NOP9: variants seen among roughly 807,000 people sequenced by gnomAD.
The protein encoded by NOP9 is nucleolar protein 9.
NOP9 carries 50 observed loss-of-function variants against 63.0 expected under a neutral mutation model. The ratio of observed to expected loss-of-function variants is 0.79; its 90% CI spans 0.63 to 1.00. NOP9 has a LOEUF of 1.00. Ranked by LOEUF, NOP9 falls within the 50% of genes least tolerant of loss-of-function variation. The pLI, the probability that NOP9 is intolerant of heterozygous loss-of-function variation, is 0.00. For missense variants in NOP9, 758 were observed against 803.0 expected, an observed-to-expected ratio of 0.94 and a Z score of 0.68; for synonymous variants, 343 against 332.8, an observed-to-expected ratio of 1.03 and a Z score of -0.33.
chr14:24,290,559 A>C, the NOP9 span: 2 of 322,838 alleles, frequency 6.2e-6, no homozygotes, highest in Non-Finnish European at 1.2e-5. Context: ...CCAAATTGTT[A>C]ACATGTTGCT....
the NOP9 span, among the ~76,000 whole-genome samples, chr14:24,282,616 A>G: frequency 6.6e-6 from 1 of 152,114 alleles, no homozygotes; most frequent in Non-Finnish European, 1.5e-5. Context: ...TGCCTCTCTA[A>G]TGAGGAGGTA....
At chr14:24,271,243 G>A in the NOP9 span, 3 of 1,261,366 alleles carry the variant, frequency 2.4e-6, no homozygotes, top group Non-Finnish European at 3.2e-6. Context: ...GAAGCAGCAA[G>A]CGTGCCTGGG....
chr14:24,289,259 G>A, the NOP9 span, among the ~76,000 whole-genome samples: 1 of 152,130 alleles, frequency 6.6e-6, no homozygotes, highest in African/African-American at 2.4e-5. Flanking sequence ...TGGGATTACA[G>A]GTGTGAGCCA....
At chr14:24,275,721 G>A in the NOP9 span, among the ~76,000 whole-genome samples, 1 of 152,262 alleles carries the variant, frequency 6.6e-6, no homozygotes, top group Non-Finnish European at 1.5e-5. Flanking sequence ...GCCATGGTCT[G>A]ACGGCAGGGG....
chr14:24,299,604 G>A (rs1467385603), upstream of NOP9: 1 of 279,656 alleles, frequency 3.6e-6, no homozygotes, highest in Non-Finnish European at 6.8e-6. Context: ...TGCCGCTGAG[G>A]TCTGCAGATT....
the NOP9 span, among the ~76,000 whole-genome samples, chr14:24,288,302 G>T: frequency 1.3e-5 from 2 of 152,186 alleles, no homozygotes; most frequent in African/African-American, 4.8e-5. Flanking sequence ...CAAGAATGGT[G>T]CCTGGTGCAG....
chr14:24,282,136 G>A, the NOP9 span, among the ~76,000 whole-genome samples: 6 of 152,286 alleles, frequency 3.9e-5, no homozygotes, highest in African/African-American at 1.4e-4. Flanking sequence ...GTAGTGAGCC[G>A]AGATAGCGCC....
Position 24,302,247 on chromosome 14 carries a change from T to G in NOP9, c.966T>G (p.Phe322Leu). ...SSVDGSPLLL[F>L]LRDQTSSRLL... ...TTGTCCCTAGTCCCCTACTGCTATT[T>G]CTCCGAGATCAGACGAGTTCCAGAC... The change falls in exon 5 of 10, where the codon TTT becomes TTG. Residue 322 changes from phenylalanine (F) to leucine (L), a missense_variant. Phe to Leu is a conservative substitution (Grantham distance 22). Transcript: ENST00000267425. 1 of 1,612,186 alleles carries G rather than the reference T, an allele frequency of 6.2e-7. No homozygotes were observed. Among genetic ancestry groups the G allele is most frequent in the South Asian group, 1.1e-5 (1 of 91,034 alleles).
the NOP9 span, chr14:24,291,805 C>T: frequency 4.6e-6 from 3 of 658,418 alleles, no homozygotes; most frequent in South Asian, 1.8e-5. Flanking sequence ...TCCCCACATC[C>T]AGGTGAGCCC....
chr14:24,301,525 C>T (rs1594618524), intron 2 of NOP9, 87 bp from the exon 3 acceptor site: 8 of 1,551,000 alleles, frequency 5.2e-6, no homozygotes, highest in Admixed American at 1.8e-5. Context: ...CATCTCCAAG[C>T]GGAATCCTTG....
the NOP9 span, chr14:24,291,133 C>T: frequency 1.2e-6 from 2 of 1,614,088 alleles, no homozygotes; most frequent in Non-Finnish European, 1.7e-6. Flanking sequence ...GTGCCAGGGT[C>T]CTCACCGTCC....
chr14:24,288,583 C>T, the NOP9 span, among the ~76,000 whole-genome samples: 20 of 152,080 alleles, frequency 1.3e-4, no homozygotes, highest in Non-Finnish European at 1.9e-4. Context: ...CTCCTGGCCT[C>T]GTGATCTGCC....
chr14:24,293,095 TAGAAAAA>T, the NOP9 span: 1 of 308,058 alleles, frequency 3.2e-6, no homozygotes, highest in South Asian at 5.2e-5. Flanking sequence ...AGTGTCTACA[TAGAAAAA>T]CTATAAAACC....
At chr14:24,276,643 A>G in the NOP9 span, among the ~76,000 whole-genome samples, 2 of 152,180 alleles carry the variant, frequency 1.3e-5, no homozygotes, top group Non-Finnish European at 2.9e-5. Context: ...TGGACAGAGC[A>G]GGTCTCTTGG....
chr14:24,289,752 G>T, the NOP9 span, among the ~76,000 whole-genome samples: 3 of 152,222 alleles, frequency 2.0e-5, no homozygotes, highest in Admixed American at 2.0e-4. Context: ...CGCCATGGCT[G>T]ATTCAAGACA....
chr14:24,275,192 G>A, the NOP9 span, among the ~76,000 whole-genome samples: 4 of 152,164 alleles, frequency 2.6e-5, no homozygotes, highest in Non-Finnish European at 4.4e-5. Flanking sequence ...GATTATAGGC[G>A]TGAGCCACCG....
At chr14:24,284,700 G>A in the NOP9 span, among the ~76,000 whole-genome samples, 1 of 152,192 alleles carries the variant, frequency 6.6e-6, no homozygotes, top group Non-Finnish European at 1.5e-5. Flanking sequence ...ACAGTGCCAA[G>A]GCCTTTGGCA....
chr14:24,305,315 A>G lies in NOP9; in HGVS notation c.*220A>G. On this transcript the variant is annotated 3_prime_UTR_variant, in exon 10 of 10. Transcript: ENST00000267425. Reference sequence around the variant, plus strand: ...GTATGCTGGGGAGTTTAGGGACAGGAGGCATTGGTAGGGGATTAGATGTAG... The same window carrying G: ...GTATGCTGGGGAGTTTAGGGACAGGGGGCATTGGTAGGGGATTAGATGTAG... 7.1e-6 allele frequency: 4 copies of G among 559,658 alleles called. No homozygotes were observed. The highest frequency in any genetic ancestry group is 1.2e-5 in the Non-Finnish European group (4 of 336,616). The allele number at this position is 559,658 out of a possible 1,614,324, so 34.7% of individuals were successfully genotyped here. A position where few individuals can be genotyped will look rare whatever the true frequency, so the allele number is the denominator to read the frequency against.
chr14:24,276,282 C>T, the NOP9 span, among the ~76,000 whole-genome samples: 1 of 149,464 alleles, frequency 6.7e-6, no homozygotes. Flanking sequence ...GAGGCTGAGG[C>T]AGGAGAATCG....
Sources: gnomAD v4.1 joint callset for allele counts (sites outside exome capture counted in the v4.1 genomes callset) on GRCh38, gnomAD v4.1.1 for gene constraint, MANE v1.5 for transcripts, NCBI Gene and HGNC (gene_info 2026-07-23, HGNC 2026-07-21) for gene names.